The following RNF212B variants were observed in gnomAD, a reference collection of about 807,000 sequenced individuals.
RNF212B encodes the protein ring finger protein 212B.
A neutral mutation model predicts 55.5 loss-of-function variants in RNF212B; 52 were observed. The observed-to-expected ratio is 0.94, with a 90% CI of 0.75 to 1.18. The LOEUF (loss-of-function observed/expected upper bound fraction) is 1.18, where lower values mean the gene tolerates loss of function less well. Ranked by LOEUF, RNF212B falls within the 50% of genes most tolerant of loss-of-function variation. RNF212B has a pLI of 0.00. For missense variants in RNF212B, 289 were observed against 350.4 expected (o/e 0.82, Z 1.40); for synonymous variants, 99 against 121.4 (o/e 0.82, Z 1.21).
At chr14:23,198,512 T>C (rs942178696) in intron 2 of RNF212B, among the ~76,000 whole-genome samples, 14 of 151,834 alleles carry the variant, frequency 9.2e-5, no homozygotes, top group African/African-American at 1.9e-4. Context: ...CCGTCTCTAC[T>C]AAAAATAAAA....
chr14:23,243,541 A>G, intron 3 of RNF212B, among the ~76,000 whole-genome samples: 1 of 151,164 alleles, frequency 6.6e-6, no homozygotes, highest in Non-Finnish European at 1.5e-5. Context: ...ACTAAAATAT[A>G]AAAAATTAGC....
At chr14:23,269,756 T>A (rs1885941432) in intron 12 of RNF212B, 107 bp from the exon 13 acceptor site, 1 of 637,882 alleles carries the variant, frequency 1.6e-6, no homozygotes, top group Admixed American at 2.9e-5. Flanking sequence ...AAGCAGGGAA[T>A]TTTTTCCTCT....
intron 2 of RNF212B, among the ~76,000 whole-genome samples, chr14:23,214,151 A>G (rs1880843424): frequency 1.3e-5 from 2 of 152,178 alleles, no homozygotes; most frequent in South Asian, 2.1e-4. Flanking sequence ...AAAAACACTT[A>G]TAAAATTTTT....
At position 23,238,123 on chromosome 14, in the gene RNF212B, G is replaced by A. The variant is rs536371709; in HGVS notation, c.-2+68G>A. The stretch of plus-strand genomic sequence containing the variant: ...GCTGAGGCCCCATCGCCTCTGGAAA[G>A]CAGGGGAATTTTGCCCTCAGGGTCG... On this transcript the variant is annotated intron_variant, in intron 1 of 14. Transcript: ENST00000430154. Among the ~76,000 whole-genome samples the A allele has an allele frequency of 4.8e-4, 73 of 152,294 alleles. 2 individuals are homozygous for A. In the South Asian group the frequency reaches 0.015, roughly 30 times the overall value.
At chr14:23,243,190 C>T in intron 2 of RNF212B, 66 bp from the exon 3 acceptor site, 1 of 1,211,880 alleles carries the variant, frequency 8.3e-7, no homozygotes, top group Non-Finnish European at 1.2e-6. Context: ...TTGCCATGTA[C>T]TTTAAGTCTT....
In RNF212B at chr14:23,272,426, CAACA is replaced by C. The variant is rs376451658; in HGVS notation, c.835-375_835-372del. On this transcript the variant is annotated intron_variant, in intron 14 of 14. Coordinates refer to ENST00000430154, the MANE Select transcript of RNF212B (RefSeq NM_001282322.3). ...AGAGCGAGACTCCATCTCAAAAAAA[CAACA>C]AACAAACAAACAAACAAACAACCGA... 682 of 253,704 alleles carry C rather than the reference CAACA, an allele frequency of 2.7e-3. 2 individuals are homozygous for C. Among genetic ancestry groups the C allele is most frequent in the Non-Finnish European group, 3.7e-3 (483 of 129,392 alleles). 15.7% of individuals were successfully genotyped at this position (253,704 alleles called of 1,614,324 possible).
At chr14:23,210,343 G>C (rs1455648109) in intron 2 of RNF212B, among the ~76,000 whole-genome samples, 1 of 152,234 alleles carries the variant, frequency 6.6e-6, no homozygotes, top group Non-Finnish European at 1.5e-5. Context: ...ACATGACAAT[G>C]AAACGCAGTG....
At chr14:23,213,595 A>T (rs901516098) in intron 2 of RNF212B, among the ~76,000 whole-genome samples, 5 of 152,152 alleles carry the variant, frequency 3.3e-5, no homozygotes, top group East Asian at 1.9e-4. Flanking sequence ...GGCAGCAAGA[A>T]GGTGGTGGGA....
chr14:23,255,175 T>C (rs998230545), intron 4 of RNF212B, among the ~76,000 whole-genome samples: 9 of 152,238 alleles, frequency 5.9e-5, no homozygotes, highest in African/African-American at 1.7e-4. Flanking sequence ...TTGTTCTCTG[T>C]TTCTGCTTTC....
chr14:23,187,584 C>T (rs1047443534), intron 1 of RNF212B, among the ~76,000 whole-genome samples: 3 of 152,162 alleles, frequency 2.0e-5, no homozygotes, highest in Admixed American at 2.0e-4. Context: ...AGCTCATGCA[C>T]TCCATTCCTG....
intron 2 of RNF212B, among the ~76,000 whole-genome samples, chr14:23,213,089 T>G (rs988961760): frequency 2.0e-5 from 3 of 151,836 alleles, no homozygotes; most frequent in Non-Finnish European, 4.4e-5. Context: ...GAGGTGGGCA[T>G]ATCACAAGGT....
chr14:23,264,477 A>C, intron 10 of RNF212B, 146 bp from the exon 11 acceptor site: 1 of 691,868 alleles, frequency 1.4e-6, no homozygotes, highest in Non-Finnish European at 2.4e-6. Flanking sequence ...TTTTGGAAGG[A>C]GTAAAGTATG....
At chr14:23,257,068 G>A (rs1025418806) in intron 4 of RNF212B, among the ~76,000 whole-genome samples, 1 of 152,112 alleles carries the variant, frequency 6.6e-6, no homozygotes. Flanking sequence ...CAGGAGAATC[G>A]CTTGAACGTG....
At position 23,273,035 on chromosome 14, in the gene RNF212B, C is replaced by T. The variant is rs1205797046; in HGVS notation, c.*144C>T. The T allele has an allele frequency of 1.9e-6, 1 of 531,504 alleles. No individual in the cohort carries two copies. The highest frequency in any genetic ancestry group is 2.0e-5 in the African/African-American group (1 of 50,164). The allele number at this position is 531,504 out of a possible 1,614,324, so 32.9% of individuals were successfully genotyped here. ...TACCTTATGCTCCCCCCATCTTTAC[C>T]CTATTCACCCTTATCACCTCCCAGG... On this transcript the variant is annotated 3_prime_UTR_variant, in exon 15 of 15. Coordinates refer to ENST00000430154, the MANE Select transcript of RNF212B (RefSeq NM_001282322.3).
At chr14:23,253,710 G>T (rs1884583244) in intron 4 of RNF212B, among the ~76,000 whole-genome samples, 2 of 152,048 alleles carry the variant, frequency 1.3e-5, no homozygotes, top group Admixed American at 1.3e-4. Context: ...TTTAGTTGGA[G>T]TACTTCTAAA....
chr14:23,192,082 T>C (rs955923285), intron 1 of RNF212B, among the ~76,000 whole-genome samples: 4 of 150,876 alleles, frequency 2.7e-5, no homozygotes, highest in African/African-American at 9.8e-5. Flanking sequence ...TTTTACACTG[T>C]TGGTAGGACT....
chr14:23,204,688 C>T (rs1879661114), intron 2 of RNF212B, among the ~76,000 whole-genome samples: 1 of 152,016 alleles, frequency 6.6e-6, no homozygotes, highest in African/African-American at 2.4e-5. Flanking sequence ...TTTGCTTAGT[C>T]TTGCTTTGGC....
chr14:23,217,091 C>G (rs1881153714), intron 2 of RNF212B, among the ~76,000 whole-genome samples: 1 of 152,090 alleles, frequency 6.6e-6, no homozygotes. Context: ...GACAGCATTT[C>G]TGAACCTGCT....
intron 2 of RNF212B, among the ~76,000 whole-genome samples, chr14:23,223,173 C>T (rs138405188): frequency 7.3e-5 from 11 of 151,624 alleles, no homozygotes; most frequent in East Asian, 1.9e-4. Flanking sequence ...ATCAATAGAA[C>T]GAAGGACAAA....
Sources: allele counts gnomAD v4.1 joint callset (sites outside exome capture counted in the v4.1 genomes callset), GRCh38; gene constraint gnomAD v4.1.1; transcripts MANE v1.5; gene names NCBI Gene and HGNC (gene_info 2026-07-23, HGNC 2026-07-21).